Variants in GPHN observed in about 807,000 individuals in gnomAD.
The protein encoded by GPHN is gephyrin.
A neutral mutation model predicts 95.5 loss-of-function variants in GPHN; 17 were observed. That is an observed-to-expected ratio of 0.18 (90% CI 0.12 to 0.27). The LOEUF (loss-of-function observed/expected upper bound fraction) is 0.27. Among genes scored for constraint, GPHN ranks in the 10% least tolerant of loss-of-function variants. The probability of loss-of-function intolerance (pLI) is 1.00; values close to 1 mark genes in which losing one functional copy is unlikely to be tolerated. For synonymous variants in GPHN, 320 were observed against 322.5 expected, an observed-to-expected ratio of 0.99 and a Z score of 0.08; for missense variants, 660 against 978.1, an observed-to-expected ratio of 0.67 and a Z score of 4.34.
At chr14:67,567,285 G>C in the GPHN span, among the ~76,000 whole-genome samples, 1 of 152,114 alleles carries the variant, frequency 6.6e-6, no homozygotes, top group Non-Finnish European at 1.5e-5. Context: ...TCAATCTGAC[G>C]GTGTGAGAAA....
the GPHN span, chr14:67,223,642 C>T: frequency 1.3e-6 from 1 of 783,220 alleles, no homozygotes; most frequent in African/African-American, 1.9e-5. Context: ...ACAAAATGGG[C>T]ATGTCGTTTT....
the GPHN span, among the ~76,000 whole-genome samples, chr14:67,693,929 G>A: frequency 6.6e-6 from 1 of 152,246 alleles, no homozygotes; most frequent in South Asian, 2.1e-4. Context: ...GGGATTACAG[G>A]TGTGAGTCAC....
At chr14:67,376,545 A>G in the GPHN span, 26 of 1,613,990 alleles carry the variant, frequency 1.6e-5, no homozygotes, top group African/African-American at 2.7e-5. Context: ...GACAAGTACA[A>G]GAGACCTGGA....
chr14:66,847,730 TTTTGTGGAGG>T (rs1314201471), intron 4 of GPHN, among the ~76,000 whole-genome samples: 7 of 152,124 alleles, frequency 4.6e-5, no homozygotes, highest in Non-Finnish European at 8.8e-5. Flanking sequence ...TATATAAACA[TTTTGTGGAGG>T]TTTCCATAAA....
At chr14:66,805,878 C>T (rs2060520146) in intron 3 of GPHN, among the ~76,000 whole-genome samples, 1 of 152,126 alleles carries the variant, frequency 6.6e-6, no homozygotes, top group Non-Finnish European at 1.5e-5. Flanking sequence ...TTCATTGGAT[C>T]TATCATTCTG....
chr14:67,094,766 A>G lies in GPHN; in HGVS notation c.1237+5691A>G, dbSNP rs148816391. 4.6e-5 allele frequency among the ~76,000 whole-genome samples: 7 copies of G among 152,336 alleles called. No individual in the cohort carries two copies. The East Asian group carries it at 1.3e-3, about 29-fold the overall frequency. On this transcript the variant is annotated intron_variant, in intron 12 of 22. Coordinates refer to ENST00000478722, the MANE Select transcript of GPHN (RefSeq NM_020806.5). The stretch of plus-strand genomic sequence containing the variant: ...CATGATGGTGGTCCCATGAGATTAC[A>G]ATGGAGCTGAAAAATTCCTATTGCC...
intron 1 of GPHN, among the ~76,000 whole-genome samples, chr14:66,568,639 T>C (rs987466758): frequency 6.6e-6 from 1 of 152,160 alleles, no homozygotes; most frequent in African/African-American, 2.4e-5. Flanking sequence ...GAACTTTAAA[T>C]ACATTCTCTT....
intron 8 of GPHN, among the ~76,000 whole-genome samples, chr14:66,931,486 C>T (rs1000268969): frequency 6.6e-6 from 1 of 152,196 alleles, no homozygotes; most frequent in African/African-American, 2.4e-5. Context: ...TTCTTTAAGG[C>T]CAATACCTCT....
intron 18 of GPHN, among the ~76,000 whole-genome samples, chr14:67,158,269 T>G (rs1373049904): frequency 9.0e-5 from 13 of 145,036 alleles, no homozygotes; most frequent in African/African-American, 3.1e-4. Flanking sequence ...ATCGCACCGT[T>G]GGACTCCAGC....
At chr14:66,744,308 C>G (rs1949283523) in intron 2 of GPHN, among the ~76,000 whole-genome samples, 2 of 152,164 alleles carry the variant, frequency 1.3e-5, no homozygotes. Flanking sequence ...TAATCCTTTT[C>G]TCAGGGAAGG....
At chr14:67,683,022 G>A in the GPHN span, among the ~76,000 whole-genome samples, 3 of 152,212 alleles carry the variant, frequency 2.0e-5, no homozygotes, top group African/African-American at 7.2e-5. Context: ...GAAATGTCCA[G>A]TAAAGGCAAA....
the GPHN span, among the ~76,000 whole-genome samples, chr14:67,439,589 C>CTT: frequency 8.1e-6 from 1 of 123,588 alleles, no homozygotes; most frequent in Non-Finnish European, 1.6e-5. Context: ...TTCTTTCTTT[C>CTT]TTTCTTCTTT....
the GPHN span, among the ~76,000 whole-genome samples, chr14:67,583,244 A>G: frequency 2.0e-5 from 3 of 152,226 alleles, no homozygotes; most frequent in Non-Finnish European, 1.5e-5. Context: ...GCATATATGC[A>G]TCCTCCATTG....
chr14:67,643,811 T>C, the GPHN span, among the ~76,000 whole-genome samples: 18 of 146,526 alleles, frequency 1.2e-4, no homozygotes, highest in African/African-American at 4.0e-4. Flanking sequence ...AAATGAAATC[T>C]TTGTTACATC....
At chr14:67,635,744 T>A in the GPHN span, among the ~76,000 whole-genome samples, 1 of 152,058 alleles carries the variant, frequency 6.6e-6, no homozygotes, top group Non-Finnish European at 1.5e-5. Context: ...TACCAGCTAC[T>A]CGGGAAGCTG....
chr14:67,551,542 CAGTG>C, the GPHN span, among the ~76,000 whole-genome samples: 3 of 152,114 alleles, frequency 2.0e-5, no homozygotes, highest in Non-Finnish European at 4.4e-5. Context: ...GTGGTGGAGT[CAGTG>C]AGGTTCCACT....
chr14:67,201,505 T>C, the GPHN span: 4 of 456,024 alleles, frequency 8.8e-6, no homozygotes, highest in South Asian at 6.2e-5. Context: ...CATCTCATCC[T>C]GGTGGCTCTG....
chr14:67,530,777 C>T, the GPHN span, among the ~76,000 whole-genome samples: 1 of 152,188 alleles, frequency 6.6e-6, no homozygotes, highest in Non-Finnish European at 1.5e-5. Context: ...CCAACTGCCC[C>T]ATTTTCTTGA....
chr14:67,136,264 A>T (rs568763377), intron 17 of GPHN, among the ~76,000 whole-genome samples: 1 of 152,310 alleles, frequency 6.6e-6, no homozygotes, highest in African/African-American at 2.4e-5. Flanking sequence ...ATGGAGTTAC[A>T]GTGGGAAAGA....
Sources: allele counts gnomAD v4.1 joint callset (sites outside exome capture counted in the v4.1 genomes callset), GRCh38; gene constraint gnomAD v4.1.1; transcripts MANE v1.5; gene names NCBI Gene and HGNC (gene_info 2026-07-23, HGNC 2026-07-21).